The following DPYD variants were observed in gnomAD, a reference collection of about 807,000 sequenced individuals.
The protein encoded by DPYD is dihydropyrimidine dehydrogenase [NADP(+)].
In DPYD, 109 loss-of-function variants were observed where a neutral mutation model predicts 116.2. The observed-to-expected ratio is 0.94, with a 90% CI of 0.80 to 1.10. DPYD has a LOEUF of 1.10. Ranked by LOEUF, DPYD falls within the 50% of genes least tolerant of loss-of-function variation. DPYD has a pLI of 0.00. For missense variants in DPYD, 1,302 were observed against 1,254.5 expected (o/e 1.04, Z -0.57); for synonymous variants, 440 against 432.0 (o/e 1.02, Z -0.23).
At chr1:97,752,985 T>G (rs1352891261) in intron 3 of DPYD, among the ~76,000 whole-genome samples, 1 of 152,202 alleles carries the variant, frequency 6.6e-6, no homozygotes, top group Non-Finnish European at 1.5e-5. Context: ...GTAAAAATTA[T>G]TTTTTAATAA....
intron 16 of DPYD, among the ~76,000 whole-genome samples, chr1:97,323,445 TATATACATATC>T (rs370028669): frequency 4.2e-4 from 42 of 100,672 alleles, no homozygotes; most frequent in Non-Finnish European, 7.4e-4. Context: ...TATGTACACG[TATATACATATC>T]ATATATACAT....
At chr1:97,637,935 C>G (rs1032647489) in intron 8 of DPYD, among the ~76,000 whole-genome samples, 1 of 152,024 alleles carries the variant, frequency 6.6e-6, no homozygotes, top group East Asian at 1.9e-4. Context: ...TTGAAGGGTG[C>G]GCTAAATGCA....
intron 1 of DPYD, among the ~76,000 whole-genome samples, chr1:97,916,956 A>C (rs968974335): frequency 6.6e-6 from 1 of 152,214 alleles, no homozygotes; most frequent in African/African-American, 2.4e-5. Flanking sequence ...AAATCAGATA[A>C]TCAGACACAT....
chr1:97,121,930 T>G (rs1652470824), intron 20 of DPYD, among the ~76,000 whole-genome samples: 1 of 152,158 alleles, frequency 6.6e-6, no homozygotes, highest in African/African-American at 2.4e-5. Flanking sequence ...GGTCTGCAAG[T>G]AGATTATGAT....
chr1:97,652,897 T>A (rs778059669), intron 8 of DPYD, among the ~76,000 whole-genome samples: 1 of 152,198 alleles, frequency 6.6e-6, no homozygotes, highest in Non-Finnish European at 1.5e-5. Context: ...TCCCTCAGCA[T>A]GCTTCCTAGG....
At chr1:97,892,910 T>C (rs1672848245) in intron 1 of DPYD, among the ~76,000 whole-genome samples, 1 of 151,842 alleles carries the variant, frequency 6.6e-6, no homozygotes, top group Non-Finnish European at 1.5e-5. Context: ...CTATCTTAGC[T>C]CTACTATTCT....
intron 3 of DPYD, among the ~76,000 whole-genome samples, chr1:97,752,188 T>C (rs930221013): frequency 1.3e-5 from 2 of 152,106 alleles, no homozygotes; most frequent in African/African-American, 2.4e-5. Context: ...CTCTTAGAAC[T>C]GTTGAGTTTC....
At chr1:97,671,810 G>A (rs531316610) in intron 8 of DPYD, among the ~76,000 whole-genome samples, 1 of 151,882 alleles carries the variant, frequency 6.6e-6, no homozygotes, top group African/African-American at 2.4e-5. Flanking sequence ...AACCAAAAAT[G>A]ACAAAAGGAA....
chr1:97,638,124 A>C (rs1189150247), intron 8 of DPYD, among the ~76,000 whole-genome samples: 1 of 152,150 alleles, frequency 6.6e-6, no homozygotes, highest in Non-Finnish European at 1.5e-5. Context: ...GAGACCAAGG[A>C]AGAGAACAAG....
At chr1:97,831,445 G>T (rs574549843) in intron 2 of DPYD, among the ~76,000 whole-genome samples, 1 of 152,260 alleles carries the variant, frequency 6.6e-6, no homozygotes, top group Non-Finnish European at 1.5e-5. Context: ...TATGAACATG[G>T]ATCTGAGAAA....
chr1:97,452,135 A>T (rs1188350063), intron 13 of DPYD, among the ~76,000 whole-genome samples: 1 of 152,092 alleles, frequency 6.6e-6, no homozygotes, highest in Admixed American at 6.6e-5. Context: ...CCCATTCTCC[A>T]TATCTTCACT....
At chr1:97,555,547 C>T (rs984911591) in intron 11 of DPYD, among the ~76,000 whole-genome samples, 7 of 152,068 alleles carry the variant, frequency 4.6e-5, no homozygotes, top group African/African-American at 1.4e-4. Context: ...ATTGTGAACA[C>T]GTCTTACCTT....
intron 8 of DPYD, 95 bp from the exon 9 acceptor site, chr1:97,595,261 A>T (rs1186773493): frequency 2.2e-6 from 2 of 928,476 alleles, no homozygotes; most frequent in Non-Finnish European, 3.4e-6. Context: ...CTTTGAAATA[A>T]TGTCATTCTT....
chr1:97,323,340 A>ATATACATATGTGTATATGTACACGTATG lies in DPYD; in HGVS notation c.2059-17044_2059-17043insCATACGTGTACATATACACATATGTATA, dbSNP rs1558029627. Among the ~76,000 whole-genome samples, 44 of 84,652 alleles carry ATATACATATGTGTATATGTACACGTATG rather than the reference A, an allele frequency of 5.2e-4. 2 individuals carry two copies. Among genetic ancestry groups the ATATACATATGTGTATATGTACACGTATG allele is most frequent in the African/African-American group, 1.5e-3 (33 of 22,342 alleles). The allele number at this position is 84,652 out of a possible 152,430, so 55.5% of individuals were successfully genotyped here. A position where few individuals can be genotyped will look rare whatever the true frequency, so the allele number is the denominator to read the frequency against. On this transcript the variant is annotated intron_variant, in intron 16 of 22. Coordinates refer to ENST00000370192, the MANE Select transcript of DPYD (RefSeq NM_000110.4). The stretch of plus-strand genomic sequence containing the variant: ...TACATATGTGTATATGTACACGTAT[A>ATATACATATGTGTATATGTACACGTATG]TATACATGTGTATATGTACACGTAT...
At chr1:97,208,126 G>C (rs1242492622) in intron 19 of DPYD, among the ~76,000 whole-genome samples, 1 of 151,900 alleles carries the variant, frequency 6.6e-6, no homozygotes, top group African/African-American at 2.4e-5. Context: ...TACCAGAAGA[G>C]AGCAATTGTT....
chr1:97,521,963 A>G (rs980114373), intron 12 of DPYD, among the ~76,000 whole-genome samples: 3 of 152,218 alleles, frequency 2.0e-5, no homozygotes, highest in Non-Finnish European at 2.9e-5. Context: ...ACCCTAGAAG[A>G]AAACCTAGTC....
At chr1:97,429,079 G>T (rs142651753) in intron 14 of DPYD, among the ~76,000 whole-genome samples, 2,577 of 151,998 alleles carry the variant, frequency 0.017, 38 homozygotes, top group Non-Finnish European at 0.026. Flanking sequence ...TGTATTTGGG[G>T]AGTATTATAA....
At chr1:97,270,104 T>C (rs367771559) in intron 18 of DPYD, among the ~76,000 whole-genome samples, 1 of 152,258 alleles carries the variant, frequency 6.6e-6, no homozygotes. Flanking sequence ...TTCATGCCAT[T>C]CCAGCAGAGT....
chr1:97,485,374 CTA>C (rs1407019871), intron 13 of DPYD, among the ~76,000 whole-genome samples: 1 of 151,966 alleles, frequency 6.6e-6, no homozygotes, highest in Non-Finnish European at 1.5e-5. Context: ...GTTAATTTTT[CTA>C]TGTTTAGTAG....
Sources: allele counts gnomAD v4.1 joint callset (sites outside exome capture counted in the v4.1 genomes callset), GRCh38; gene constraint gnomAD v4.1.1; transcripts MANE v1.5; gene names NCBI Gene and HGNC (gene_info 2026-07-23, HGNC 2026-07-21).